The following EPSTI1 variants were observed in gnomAD, a reference collection of about 807,000 sequenced individuals.
EPSTI1 encodes epithelial stromal interaction 1, also known as epithelial-stromal interaction protein 1.
EPSTI1 carries 66 observed loss-of-function variants against 49.9 expected under a neutral mutation model. The observed-to-expected ratio is 1.32, with a 90% CI of 1.08 to 1.62. The LOEUF is 1.62. Ranked by LOEUF, EPSTI1 falls within the 40% of genes most tolerant of loss-of-function variation. The pLI, the probability that EPSTI1 is intolerant of heterozygous loss-of-function variation, is 0.00. For synonymous variants in EPSTI1, 137 were observed against 130.7 expected (o/e 1.05, Z -0.33); for missense variants, 394 against 365.5 (o/e 1.08, Z -0.64).
At chr13:42,989,447 C>T (rs2040146879) in intron 1 of EPSTI1, among the ~76,000 whole-genome samples, 2 of 151,750 alleles carry the variant, frequency 1.3e-5, no homozygotes, top group South Asian at 2.1e-4. Flanking sequence ...ACTGGGGCTG[C>T]AGGAGGAAAT....
intron 6 of EPSTI1, among the ~76,000 whole-genome samples, chr13:42,949,879 A>G (rs1683878092): frequency 6.6e-6 from 1 of 152,122 alleles, no homozygotes; most frequent in Non-Finnish European, 1.5e-5. Flanking sequence ...CAAATTACCA[A>G]TTAAAATTTT....
At chr13:42,908,576 G>A (rs1167548458) in intron 8 of EPSTI1, among the ~76,000 whole-genome samples, 1 of 149,998 alleles carries the variant, frequency 6.7e-6, no homozygotes, top group African/African-American at 2.5e-5. Context: ...GACTTTAAAA[G>A]GACAAGCAAC....
intron 6 of EPSTI1, among the ~76,000 whole-genome samples, chr13:42,943,737 C>T (rs752080340): frequency 1.3e-5 from 2 of 152,130 alleles, no homozygotes; most frequent in Admixed American, 6.5e-5. Flanking sequence ...GCCTGGCCAA[C>T]CTACAGAATG....
Position 42,917,639 on chromosome 13 carries a change from A to ATC in EPSTI1, c.658-16_658-15insGA. The ATC allele has an allele frequency of 8.8e-7, 1 of 1,133,196 alleles. No individual in the cohort carries two copies. Among genetic ancestry groups the ATC allele is most frequent in the Non-Finnish European group, 1.2e-6 (1 of 817,594 alleles). 70.2% of individuals were successfully genotyped at this position (1,133,196 alleles called of 1,614,324 possible). ...CAGCTTCTGGCCTGTAAAGGTACAA[A>ATC]GAGAAAAAAAAAAAAAAAAACAACT... On this transcript the variant is annotated splice_polypyrimidine_tract_variant and intron_variant, in intron 7 of 10. Coordinates refer to ENST00000313624, the MANE Select transcript of EPSTI1 (RefSeq NM_033255.5).
intron 1 of EPSTI1, among the ~76,000 whole-genome samples, chr13:42,978,795 A>G (rs899360968): frequency 6.6e-5 from 10 of 152,200 alleles, no homozygotes; most frequent in Admixed American, 6.5e-4. Context: ...CATATATGAC[A>G]TCTATTTTAT....
intron 1 of EPSTI1, among the ~76,000 whole-genome samples, chr13:42,988,905 G>A (rs2040134166): frequency 6.6e-6 from 1 of 152,034 alleles, no homozygotes; most frequent in African/African-American, 2.4e-5. Flanking sequence ...TGTTGCCCAG[G>A]CTGGAGTACA....
intron 1 of EPSTI1, among the ~76,000 whole-genome samples, chr13:42,971,093 C>T (rs1160137771): frequency 6.6e-6 from 1 of 152,178 alleles, no homozygotes; most frequent in Non-Finnish European, 1.5e-5. Flanking sequence ...AATGCAGCCA[C>T]CTCCTCTTGA....
intron 3 of EPSTI1, among the ~76,000 whole-genome samples, chr13:42,967,647 C>T (rs1008170957): frequency 3.3e-5 from 5 of 152,084 alleles, no homozygotes; most frequent in Admixed American, 3.3e-4. Flanking sequence ...CAAGCCCTGC[C>T]GACAGGAGAG....
chr13:42,914,997 G>A (rs2037790296), intron 8 of EPSTI1, among the ~76,000 whole-genome samples: 3 of 152,190 alleles, frequency 2.0e-5, no homozygotes, highest in African/African-American at 7.2e-5. Flanking sequence ...GAAAGTCAGA[G>A]AGACACATAG....
chr13:42,948,504 C>T (rs1040980990), intron 6 of EPSTI1, among the ~76,000 whole-genome samples: 4 of 142,622 alleles, frequency 2.8e-5, no homozygotes, highest in Non-Finnish European at 4.5e-5. Context: ...GACAAGGTCT[C>T]GTTCTGTTGC....
intron 1 of EPSTI1, among the ~76,000 whole-genome samples, chr13:42,971,465 G>A (rs1176092322): frequency 6.6e-6 from 1 of 152,148 alleles, no homozygotes; most frequent in Non-Finnish European, 1.5e-5. Context: ...GCTCTTTTTT[G>A]AGATGATGCA....
At chr13:42,916,600 C>T (rs1321539813) in intron 8 of EPSTI1, among the ~76,000 whole-genome samples, 1 of 152,080 alleles carries the variant, frequency 6.6e-6, no homozygotes, top group Non-Finnish European at 1.5e-5. Flanking sequence ...ACAAAGAAAA[C>T]ATAAATTAAA....
chr13:42,970,791 T>C, intron 1 of EPSTI1, 121 bp from the exon 2 acceptor site: 3 of 725,480 alleles, frequency 4.1e-6, no homozygotes, highest in Non-Finnish European at 6.7e-6. Context: ...ATAGGCACTA[T>C]GAAAGATAAT....
intron 5 of EPSTI1, among the ~76,000 whole-genome samples, chr13:42,958,440 C>CA (rs1431761336): frequency 1.3e-5 from 2 of 151,030 alleles, no homozygotes. Flanking sequence ...GAAAGAAAAA[C>CA]AAAAACAAAA....
In EPSTI1 at chr13:42,888,294, T is replaced by C. The variant is rs1243547937; in HGVS notation, c.*200A>G. 5.6e-6 allele frequency: 9 copies of C among 1,612,016 alleles called. No individual in the cohort carries two copies. The highest frequency in any genetic ancestry group is 1.1e-5 in the South Asian group (1 of 90,962). On this transcript the variant is annotated 3_prime_UTR_variant, in exon 11 of 11. Transcript: ENST00000313624. Reference sequence around the variant, plus strand: ...TTTCCCTGGCAGTAGAGATTAAATATGAGTTCAGGAATCAGCTCCTCCAAA... The same window carrying C: ...TTTCCCTGGCAGTAGAGATTAAATACGAGTTCAGGAATCAGCTCCTCCAAA...
chr13:42,932,848 C>T (rs116078065), intron 6 of EPSTI1, among the ~76,000 whole-genome samples: 120 of 152,236 alleles, frequency 7.9e-4, no homozygotes, highest in African/African-American at 2.7e-3. Context: ...CCCTCTGATG[C>T]GATGCACTGA....
rs71099807 is a variant in EPSTI1 at position 42,910,257 on chromosome 13, CTTT to C, written c.741+7281_741+7283del. ...TCTTGTATATATTTTTTAACCAAAT[CTTT>C]TTTTTTTTTTTTTTTTTTGGAACAG... On this transcript the variant is annotated intron_variant, in intron 8 of 10. Coordinates refer to ENST00000313624, the MANE Select transcript of EPSTI1 (RefSeq NM_033255.5). Among the ~76,000 whole-genome samples the C allele has an allele frequency of 2.8e-3, 271 of 97,636 alleles. 2 individuals are homozygous for C. Among genetic ancestry groups the C allele is most frequent in the African/African-American group, 8.1e-3 (199 of 24,436 alleles). 64.1% of individuals were successfully genotyped at this position (97,636 alleles called of 152,430 possible).
intron 6 of EPSTI1, among the ~76,000 whole-genome samples, chr13:42,952,970 T>C (rs1268671071): frequency 6.6e-6 from 1 of 152,114 alleles, no homozygotes; most frequent in East Asian, 1.9e-4. Context: ...AACATCTGAG[T>C]GATCTTAAAT....
intron 1 of EPSTI1, among the ~76,000 whole-genome samples, chr13:42,970,893 T>C (rs2039750821): frequency 6.6e-6 from 1 of 152,224 alleles, no homozygotes; most frequent in Admixed American, 6.5e-5. Flanking sequence ...ATATAAAGCA[T>C]TCGATGAGTG....
Sources: allele counts gnomAD v4.1 joint callset (sites outside exome capture counted in the v4.1 genomes callset), GRCh38; gene constraint gnomAD v4.1.1; transcripts MANE v1.5; gene names NCBI Gene and HGNC (gene_info 2026-07-23, HGNC 2026-07-21).